SCTR: variants seen among roughly 807,000 people sequenced by gnomAD.
SCTR encodes secretin receptor, also known as pancreatic secretin receptor.
In SCTR, 56 loss-of-function variants were observed where a neutral mutation model predicts 60.8. The ratio of observed to expected loss-of-function variants is 0.92; its 90% CI spans 0.74 to 1.15. The LOEUF (loss-of-function observed/expected upper bound fraction) is 1.15. Ranked by LOEUF, SCTR falls within the 50% of genes most tolerant of loss-of-function variation. SCTR has a pLI of 0.00. For missense variants in SCTR, 562 were observed against 550.4 expected (o/e 1.02, Z -0.21); for synonymous variants, 202 against 217.0 (o/e 0.93, Z 0.61).
chr2:119,498,497 A>G (rs1678427228), intron 1 of SCTR, among the ~76,000 whole-genome samples: 1 of 152,150 alleles, frequency 6.6e-6, no homozygotes, highest in Admixed American at 6.5e-5. Context: ...TTTCTAAATT[A>G]TGTTAATGAT....
In SCTR at chr2:119,461,943, A is replaced by G. The variant is rs1231449290; in HGVS notation, c.694T>C (p.Trp232Arg). 4.3e-6 allele frequency: 7 copies of G among 1,614,074 alleles called. No individual in the cohort carries two copies. In the African/African-American group the frequency reaches 9.3e-5, roughly 22 times the overall value. ...AGGTAGAGGCCTTCCACCAGCAGCC[A>G]GGAGTAGTTGGCCATGATGCAGTAC... Reference protein sequence around the residue: ...FQYCIMANYSWLLVEGLYLHT... With the variant: ...FQYCIMANYSRLLVEGLYLHT... Residue 232 changes from tryptophan to arginine, a missense_variant, in exon 7 of 13, where the codon TGG becomes CGG. Physicochemically the swap from Trp to Arg is moderately radical, Grantham distance 101. Coordinates refer to ENST00000019103, the MANE Select transcript of SCTR (RefSeq NM_002980.3).
intron 1 of SCTR, among the ~76,000 whole-genome samples, chr2:119,495,944 AAATGTGTT>A (rs1678329223): frequency 1.3e-5 from 2 of 152,240 alleles, no homozygotes; most frequent in East Asian, 3.8e-4. Flanking sequence ...ACCATACAGC[AAATGTGTT>A]AATCATGTTG....
chr2:119,487,826 G>A (rs1303708879), intron 2 of SCTR, among the ~76,000 whole-genome samples: 2 of 152,118 alleles, frequency 1.3e-5, no homozygotes, highest in African/African-American at 4.8e-5. Context: ...CCTGTGACTG[G>A]TCTGGCGTTC....
intron 3 of SCTR, among the ~76,000 whole-genome samples, chr2:119,475,767 A>G (rs977356554): frequency 6.6e-6 from 1 of 150,548 alleles, no homozygotes; most frequent in Admixed American, 6.6e-5. Context: ...CAGTTCGGGG[A>G]AAGACTAGTC....
chr2:119,481,993 C>A (rs1418271601), intron 2 of SCTR, among the ~76,000 whole-genome samples: 2 of 152,198 alleles, frequency 1.3e-5, no homozygotes, highest in Admixed American at 1.3e-4. Context: ...TCCCGATGTG[C>A]CTGGCTCTAC....
chr2:119,457,147 T>A (rs1683406093), intron 7 of SCTR, among the ~76,000 whole-genome samples: 1 of 152,214 alleles, frequency 6.6e-6, no homozygotes, highest in Non-Finnish European at 1.5e-5. Flanking sequence ...AGATTTCCTA[T>A]TGCATTTGAT....
intron 1 of SCTR, among the ~76,000 whole-genome samples, chr2:119,514,096 T>G (rs1024725029): frequency 6.6e-6 from 1 of 152,226 alleles, no homozygotes. Context: ...TAAGTTCACC[T>G]CTTGCTTGAC....
intron 1 of SCTR, among the ~76,000 whole-genome samples, chr2:119,504,626 T>A (rs1181646966): frequency 1.3e-5 from 2 of 151,496 alleles, no homozygotes; most frequent in East Asian, 3.9e-4. Context: ...AATAAATAAA[T>A]AAAAGCATAG....
At chr2:119,503,278 G>T (rs1181143800) in intron 1 of SCTR, among the ~76,000 whole-genome samples, 3 of 152,000 alleles carry the variant, frequency 2.0e-5, no homozygotes, top group Non-Finnish European at 4.4e-5. Context: ...AATCTAAAAA[G>T]GTTACCAGCT....
At chr2:119,490,155 C>A (rs749105295) in intron 2 of SCTR, among the ~76,000 whole-genome samples, 1 of 152,176 alleles carries the variant, frequency 6.6e-6, no homozygotes, top group African/African-American at 2.4e-5. Flanking sequence ...TGCCATAAGA[C>A]CATGGTCTAG....
At chr2:119,520,915 T>C (rs1434051435) in intron 1 of SCTR, among the ~76,000 whole-genome samples, 3 of 152,170 alleles carry the variant, frequency 2.0e-5, no homozygotes, top group African/African-American at 7.2e-5. Flanking sequence ...AGGCAACGGT[T>C]CTCAAGCAGG....
chr2:119,478,131 A>G (rs377719558), intron 3 of SCTR, among the ~76,000 whole-genome samples: 294 of 152,344 alleles, frequency 1.9e-3, no homozygotes, highest in African/African-American at 6.8e-3. Context: ...TGCATGGACC[A>G]GGAAAGAGGG....
chr2:119,516,960 T>C (rs1428259201), intron 1 of SCTR, among the ~76,000 whole-genome samples: 1 of 152,046 alleles, frequency 6.6e-6, no homozygotes, highest in African/African-American at 2.4e-5. Flanking sequence ...AAGAGCGAAA[T>C]TCTGTCTCAA....
intron 4 of SCTR, among the ~76,000 whole-genome samples, chr2:119,471,909 T>C (rs536163980): frequency 3.2e-4 from 49 of 152,260 alleles, no homozygotes; most frequent in African/African-American, 1.2e-3. Context: ...ACAATGAATG[T>C]ACAGGATTAT....
At chr2:119,504,939 T>C (rs1279701559) in intron 1 of SCTR, among the ~76,000 whole-genome samples, 3 of 152,156 alleles carry the variant, frequency 2.0e-5, no homozygotes, top group Non-Finnish European at 4.4e-5. Flanking sequence ...ACAGAAGATA[T>C]ACAGATGGCA....
intron 2 of SCTR, chr2:119,486,457 C>T (rs967125521): frequency 6.6e-6 from 1 of 152,260 alleles, no homozygotes; most frequent in Non-Finnish European, 1.5e-5. Flanking sequence ...CCCTCCTCAT[C>T]CACCCGAGAA....
chr2:119,485,583 G>A (rs369998091), intron 2 of SCTR, among the ~76,000 whole-genome samples: 13 of 152,238 alleles, frequency 8.5e-5, no homozygotes, highest in African/African-American at 2.7e-4. Flanking sequence ...TGCAGTGGCA[G>A]GGGGCCAGGA....
chr2:119,453,113 C>A (rs1049690719), intron 8 of SCTR, among the ~76,000 whole-genome samples, 174 bp downstream of exon 8: 2 of 152,168 alleles, frequency 1.3e-5, no homozygotes, highest in African/African-American at 4.8e-5. Context: ...CAAGGCTGCT[C>A]GGCCCACCTG....
chr2:119,499,605 C>G (rs1678463759), intron 1 of SCTR, among the ~76,000 whole-genome samples: 1 of 152,042 alleles, frequency 6.6e-6, no homozygotes, highest in East Asian at 1.9e-4. Context: ...AAGCAACACA[C>G]TTCTAAACAA....
Sources: allele counts gnomAD v4.1 joint callset (sites outside exome capture counted in the v4.1 genomes callset), GRCh38; gene constraint gnomAD v4.1.1; transcripts MANE v1.5; gene names NCBI Gene and HGNC (gene_info 2026-07-23, HGNC 2026-07-21).